LYRM4: variants seen among roughly 807,000 people sequenced by gnomAD.
LYRM4 encodes LYR motif-containing protein 4.
A neutral mutation model predicts 11.7 loss-of-function variants in LYRM4; 9 were observed. That is an observed-to-expected ratio of 0.77 (90% CI 0.46 to 1.34). The LOEUF (loss-of-function observed/expected upper bound fraction) is 1.34. Ranked by LOEUF, LYRM4 falls within the 40% of genes most tolerant of loss-of-function variation. The pLI is 0.00. For missense variants in LYRM4, 133 were observed against 112.5 expected, an observed-to-expected ratio of 1.18 and a Z score of -0.82; for synonymous variants, 42 against 40.4, an observed-to-expected ratio of 1.04 and a Z score of -0.15.
At chr6:5,199,193 A>G (rs961974036) in intron 2 of LYRM4, among the ~76,000 whole-genome samples, 1 of 152,286 alleles carries the variant, frequency 6.6e-6, no homozygotes, top group Non-Finnish European at 1.5e-5. Flanking sequence ...AATGTAGTAT[A>G]TCCATATAAT....
rs147010981 is a variant in LYRM4 at position 5,243,284 on chromosome 6, C to T, written c.86+17364G>A. ...TGACGCTCATGCCCGGGGCGCACAG[C>T]GTGCGGGGTTCTAACCTGCTGGCCA... On this transcript the variant is annotated intron_variant, in intron 1 of 2. Transcript: ENST00000330636. Among the ~76,000 whole-genome samples, 3 of 152,316 alleles carry T rather than the reference C, an allele frequency of 2.0e-5. No homozygotes were observed. The East Asian group carries it at 5.8e-4, about 29-fold the overall frequency.
chr6:5,137,276 A>C (rs955175523), intron 2 of LYRM4, among the ~76,000 whole-genome samples: 6 of 152,172 alleles, frequency 3.9e-5, no homozygotes, highest in Admixed American at 3.9e-4. Flanking sequence ...CTTTTTGGCT[A>C]TTGCTAATAA....
chr6:5,066,379 T>C, the LYRM4 span: 1 of 726,632 alleles, frequency 1.4e-6, no homozygotes, highest in Non-Finnish European at 2.6e-6. Flanking sequence ...AAAGTGGCCC[T>C]TTTTTCACCT....
At chr6:5,259,095 C>A (rs1424249381) in intron 1 of LYRM4, among the ~76,000 whole-genome samples, 1 of 152,216 alleles carries the variant, frequency 6.6e-6, no homozygotes, top group African/African-American at 2.4e-5. Flanking sequence ...AGTTAGTCTT[C>A]GAGGGCTCCA....
chr6:5,123,660 T>A (rs1459380511), intron 2 of LYRM4, among the ~76,000 whole-genome samples: 1 of 152,228 alleles, frequency 6.6e-6, no homozygotes, highest in Admixed American at 6.5e-5. Flanking sequence ...CTGGCTCCCA[T>A]CTGGCCTGGT....
At chr6:5,208,622 C>G (rs1761830582) in intron 2 of LYRM4, among the ~76,000 whole-genome samples, 1 of 152,144 alleles carries the variant, frequency 6.6e-6, no homozygotes, top group East Asian at 1.9e-4. Flanking sequence ...TGCACATCAT[C>G]CTCGGAGGAA....
At chr6:5,183,000 T>C (rs993966310) in intron 2 of LYRM4, among the ~76,000 whole-genome samples, 1 of 152,254 alleles carries the variant, frequency 6.6e-6, no homozygotes, top group Non-Finnish European at 1.5e-5. Flanking sequence ...GCATAAATCT[T>C]AGATTTTAAG....
intron 2 of LYRM4, among the ~76,000 whole-genome samples, chr6:5,117,545 C>CA (rs558199881): frequency 0.041 from 5,000 of 120,834 alleles, 110 homozygotes; most frequent in South Asian, 0.11. Context: ...GACTCTGTCT[C>CA]AAAAAAAAAA....
intron 2 of LYRM4, among the ~76,000 whole-genome samples, chr6:5,180,407 T>C (rs1283460751): frequency 6.6e-6 from 1 of 152,220 alleles, no homozygotes; most frequent in African/African-American, 2.4e-5. Flanking sequence ...TCAGCATCTA[T>C]GCTAAAGATC....
chr6:5,143,491 A>G (rs1206196789), intron 2 of LYRM4, among the ~76,000 whole-genome samples: 1 of 152,234 alleles, frequency 6.6e-6, no homozygotes, highest in Non-Finnish European at 1.5e-5. Flanking sequence ...TATTATAAAG[A>G]CAAACCGAGT....
intron 2 of LYRM4, among the ~76,000 whole-genome samples, chr6:5,111,392 A>G (rs1762875377): frequency 6.6e-6 from 1 of 152,178 alleles, no homozygotes; most frequent in Non-Finnish European, 1.5e-5. Flanking sequence ...CGAGTACTTG[A>G]CAGAGTTTAC....
intron 2 of LYRM4, among the ~76,000 whole-genome samples, chr6:5,130,941 C>T (rs969737161): frequency 6.6e-6 from 1 of 152,042 alleles, no homozygotes; most frequent in African/African-American, 2.4e-5. Context: ...AACTAAAATA[C>T]ATAATAACAT....
chr6:5,185,673 G>C (rs1001843144), intron 2 of LYRM4, among the ~76,000 whole-genome samples: 12 of 152,180 alleles, frequency 7.9e-5, no homozygotes, highest in African/African-American at 2.9e-4. Context: ...AGGGTCAGCT[G>C]GTTAGTGGCA....
chr6:5,100,753 G>A (rs114304740), downstream of LYRM4, among the ~76,000 whole-genome samples: 657 of 152,322 alleles, frequency 4.3e-3, 2 homozygotes, highest in African/African-American at 0.014. Context: ...GTGGACGTGT[G>A]TTCCTGTTAA....
intron 2 of LYRM4, chr6:5,138,598 G>A: frequency 5.5e-6 from 3 of 549,348 alleles, no homozygotes; most frequent in Non-Finnish European, 8.2e-6. Context: ...ATGATTTCCA[G>A]ACTAAGTCAC....
intron 2 of LYRM4, among the ~76,000 whole-genome samples, chr6:5,145,744 G>A (rs749349558): frequency 3.3e-5 from 5 of 152,112 alleles, no homozygotes; most frequent in Non-Finnish European, 5.9e-5. Flanking sequence ...TTTAATATAC[G>A]CCCACTTCAC....
At chr6:5,139,964 A>C (rs564306163) in intron 2 of LYRM4, among the ~76,000 whole-genome samples, 1 of 150,570 alleles carries the variant, frequency 6.6e-6, no homozygotes, top group South Asian at 2.1e-4. Context: ...AAGCCTCCCA[A>C]GCAGCTGGGA....
chr6:5,240,927 A>G (rs1204276208), intron 1 of LYRM4, among the ~76,000 whole-genome samples: 1 of 152,166 alleles, frequency 6.6e-6, no homozygotes, highest in Non-Finnish European at 1.5e-5. Flanking sequence ...CAAAAATGCA[A>G]AAGGAGGTGG....
chr6:5,192,390 C>A (rs563878473), intron 2 of LYRM4, among the ~76,000 whole-genome samples: 1 of 152,292 alleles, frequency 6.6e-6, no homozygotes, highest in East Asian at 1.9e-4. Flanking sequence ...TGTGTTAATA[C>A]GCTTCCTGAA....
Sources: allele counts gnomAD v4.1 joint callset (sites outside exome capture counted in the v4.1 genomes callset), GRCh38; gene constraint gnomAD v4.1.1; transcripts MANE v1.5; gene names NCBI Gene and HGNC (gene_info 2026-07-23, HGNC 2026-07-21).